Variants in CNTN1 observed in about 807,000 individuals in gnomAD.
CNTN1 encodes contactin 1.
CNTN1 carries 38 observed loss-of-function variants against 126.4 expected under a neutral mutation model. That is an observed-to-expected ratio of 0.30 (90% CI 0.23 to 0.39). The LOEUF is 0.39. Ranked by LOEUF, CNTN1 falls within the 10% of genes least tolerant of loss-of-function variation. CNTN1 has a pLI of 1.00. For missense variants in CNTN1, 1,009 were observed against 1,248.4 expected (o/e 0.81, Z 2.89); for synonymous variants, 413 against 422.6 (o/e 0.98, Z 0.28).
At chr12:40,729,630 A>G in intron 1 of CNTN1, 1 of 224,536 alleles carries the variant, frequency 4.5e-6, no homozygotes, top group Non-Finnish European at 1.0e-5. Flanking sequence ...AGCTATTGCG[A>G]GCATGGAGTC....
rs1052382284 is a variant in CNTN1 at position 40,959,392 on chromosome 12, G to A, written c.1804+158G>A. 3.9e-5 allele frequency among the ~76,000 whole-genome samples: 6 copies of A among 152,178 alleles called. No homozygotes were observed. The East Asian group carries it at 9.7e-4, about 24-fold the overall frequency. On this transcript the variant is annotated intron_variant, in intron 15 of 23. Transcript: ENST00000551295. ...TAAGCTTCTTCCCATGCCTAAGAAT[G>A]ATCTATGCCAGACAAGTAGTAAACA...
chr12:40,752,717 A>C (rs568882010), intron 1 of CNTN1, among the ~76,000 whole-genome samples: 52 of 152,134 alleles, frequency 3.4e-4, no homozygotes, highest in Non-Finnish European at 4.3e-4. Flanking sequence ...ATGGTTTCAC[A>C]AAAGTTAAAG....
At chr12:40,925,842 GTGTATATATATA>G (rs1565963247) in intron 6 of CNTN1, among the ~76,000 whole-genome samples, 1 of 129,198 alleles carries the variant, frequency 7.7e-6, no homozygotes. Context: ...ATGTGTGTGT[GTGTATATATATA>G]TATATATATA....
At chr12:40,784,368 T>G (rs1939923971) in intron 1 of CNTN1, among the ~76,000 whole-genome samples, 1 of 152,144 alleles carries the variant, frequency 6.6e-6, no homozygotes, top group African/African-American at 2.4e-5. Context: ...CTTTGGTAAT[T>G]GTTTTATTTA....
At chr12:40,723,423 T>C (rs74378389) in intron 1 of CNTN1, among the ~76,000 whole-genome samples, 3,262 of 152,304 alleles carry the variant, frequency 0.021, 113 homozygotes, top group African/African-American at 0.075. Context: ...CTCATGAGAC[T>C]TCCAGATTGA....
chr12:40,699,981 A>G (rs1941554517), intron 1 of CNTN1, among the ~76,000 whole-genome samples: 3 of 152,308 alleles, frequency 2.0e-5, no homozygotes, highest in Middle Eastern at 3.4e-3. Flanking sequence ...GTAAAAATGT[A>G]TTGCATTATT....
chr12:40,772,026 TG>T (rs1464614872), intron 1 of CNTN1, among the ~76,000 whole-genome samples: 2 of 151,980 alleles, frequency 1.3e-5, no homozygotes, highest in Non-Finnish European at 2.9e-5. Context: ...TAACTTTATA[TG>T]GTCAAGTAAA....
At chr12:40,856,741 G>T (rs978447840) in intron 1 of CNTN1, among the ~76,000 whole-genome samples, 1 of 152,092 alleles carries the variant, frequency 6.6e-6, no homozygotes, top group Non-Finnish European at 1.5e-5. Flanking sequence ...GCAGGGAAAA[G>T]AACTTGAGGA....
chr12:40,823,932 T>G lies in CNTN1; in HGVS notation c.-76-84425T>G, dbSNP rs552523925. The stretch of plus-strand genomic sequence containing the variant: ...CTAGTGTTTAAATATCTCTAAAATA[T>G]TTTCCTCATCACCATATCCTTACAT... On this transcript the variant is annotated intron_variant, in intron 1 of 23. Transcript: ENST00000551295. 3.5e-4 allele frequency among the ~76,000 whole-genome samples: 53 copies of G among 152,278 alleles called. 1 individual carries two copies. Among genetic ancestry groups the G allele is most frequent in the African/African-American group, 1.3e-3 (52 of 41,578 alleles).
intron 1 of CNTN1, among the ~76,000 whole-genome samples, chr12:40,905,923 A>G (rs568503275): frequency 1.3e-5 from 2 of 152,316 alleles, no homozygotes; most frequent in African/African-American, 4.8e-5. Flanking sequence ...GTCATGCACA[A>G]TCAAAATAAA....
intron 1 of CNTN1, among the ~76,000 whole-genome samples, chr12:40,821,264 G>T (rs1473543545): frequency 6.6e-6 from 1 of 152,184 alleles, no homozygotes; most frequent in African/African-American, 2.4e-5. Context: ...GAGACAGATT[G>T]GCAGGTATCC....
chr12:40,969,094 A>G (rs1187425515), intron 15 of CNTN1, among the ~76,000 whole-genome samples: 1 of 152,188 alleles, frequency 6.6e-6, no homozygotes, highest in Non-Finnish European at 1.5e-5. Flanking sequence ...AAATATAACC[A>G]AGAAAAAACT....
chr12:41,026,657 A>G (rs191794709), intron 21 of CNTN1, among the ~76,000 whole-genome samples: 49 of 152,260 alleles, frequency 3.2e-4, no homozygotes, highest in Admixed American at 2.7e-3. Context: ...AGGAGGGGGA[A>G]GTGTTCTGGG....
chr12:40,842,522 TAA>T (rs1942324149), intron 1 of CNTN1, among the ~76,000 whole-genome samples: 2 of 152,066 alleles, frequency 1.3e-5, no homozygotes, highest in Admixed American at 1.3e-4. Flanking sequence ...ATAATATATA[TAA>T]CTTATGTATC....
intron 1 of CNTN1, among the ~76,000 whole-genome samples, chr12:40,723,243 T>G (rs1036644433): frequency 6.6e-6 from 1 of 152,210 alleles, no homozygotes; most frequent in Non-Finnish European, 1.5e-5. Context: ...TTCTTAGCTA[T>G]TCAGGATCAT....
intron 1 of CNTN1, among the ~76,000 whole-genome samples, chr12:40,817,580 C>T (rs1941302486): frequency 6.9e-6 from 1 of 145,466 alleles, no homozygotes; most frequent in Non-Finnish European, 1.5e-5. Context: ...AGATGGGTCT[C>T]CTGAATACAG....
intron 3 of CNTN1, among the ~76,000 whole-genome samples, chr12:40,913,648 A>G (rs1234060199): frequency 6.6e-6 from 1 of 152,224 alleles, no homozygotes; most frequent in African/African-American, 2.4e-5. Context: ...TCATAATTTT[A>G]CTTTCAATTC....
At chr12:40,929,599 G>A (rs766735925) in intron 6 of CNTN1, among the ~76,000 whole-genome samples, 197 bp from the exon 7 acceptor site, 1 of 151,944 alleles carries the variant, frequency 6.6e-6, no homozygotes, top group African/African-American at 2.4e-5. Context: ...AGATGTAATT[G>A]CTTAGTGTAA....
At position 40,813,846 on chromosome 12, in the gene CNTN1, G is replaced by A. The variant is rs181134299; in HGVS notation, c.-76-94511G>A. Among the ~76,000 whole-genome samples, 63 of 152,080 alleles carry A rather than the reference G, an allele frequency of 4.1e-4. 1 individual carries two copies. The East Asian group carries it at 9.1e-3, about 22-fold the overall frequency. ...AATATTTCTATTTCTCCACAGCCTC[G>A]CCAGCATCTATTATGTCCTGACATT... On this transcript the variant is annotated intron_variant, in intron 1 of 23. Coordinates refer to ENST00000551295, the MANE Select transcript of CNTN1 (RefSeq NM_001843.4).
Sources: gnomAD v4.1 joint callset for allele counts (sites outside exome capture counted in the v4.1 genomes callset) on GRCh38, gnomAD v4.1.1 for gene constraint, MANE v1.5 for transcripts, NCBI Gene and HGNC (gene_info 2026-07-23, HGNC 2026-07-21) for gene names.